The following KHDC1L variants were observed in gnomAD, a reference collection of about 807,000 sequenced individuals.
The protein encoded by KHDC1L is KHDC1-like protein.
Under a neutral mutation model 11.2 loss-of-function variants are expected in KHDC1L, and 5 were observed. The observed-to-expected ratio is 0.45, with a 90% confidence interval of 0.23 to 0.94. The LOEUF (loss-of-function observed/expected upper bound fraction) is 0.94, where lower values mean the gene tolerates loss of function less well. Ranked by LOEUF, KHDC1L falls within the 40% of genes least tolerant of loss-of-function variation. The pLI is 0.22. For missense variants in KHDC1L, 168 were observed against 165.8 expected (o/e 1.01, Z -0.07); for synonymous variants, 66 against 62.7 (o/e 1.05, Z -0.25).
At position 73,224,365 on chromosome 6, in the gene KHDC1L, T is replaced by C. The variant is rs1363797005; in HGVS notation, c.113-17A>G. 6.5e-7 allele frequency: 1 copy of C among 1,534,044 alleles called. No individual in the cohort carries two copies. The highest frequency in any genetic ancestry group is 8.8e-7 in the Non-Finnish European group (1 of 1,136,198). Reference sequence around the variant, plus strand: ...CATCAAGTCCTGTAAGCACAAGAAGTGAGAAGAGAAACTGTCAGCCACCAG... The same window carrying C: ...CATCAAGTCCTGTAAGCACAAGAAGCGAGAAGAGAAACTGTCAGCCACCAG... On this transcript the variant is annotated splice_polypyrimidine_tract_variant and intron_variant, in intron 1 of 2. Transcript: ENST00000370388.
intron 1 of KHDC1L, among the ~76,000 whole-genome samples, chr6:73,224,700 C>T (rs1470267711): frequency 7.2e-6 from 1 of 139,640 alleles, no homozygotes; most frequent in Admixed American, 7.7e-5. Context: ...GGCGTGAACC[C>T]GGGAGGCGGA....
chr6:73,224,388 C>T (rs1410988928), intron 1 of KHDC1L, 40 bp from the exon 2 acceptor site: 25 of 1,504,098 alleles, frequency 1.7e-5, no homozygotes, highest in Non-Finnish European at 2.1e-5. Flanking sequence ...TGTCAGCCAC[C>T]AGTCCTTGGG....
In KHDC1L at chr6:73,224,162, C is replaced by G; in HGVS notation, c.295+4G>C. The G allele has an allele frequency of 6.4e-7, 1 of 1,551,960 alleles. No homozygotes were observed. The highest frequency in any genetic ancestry group is 8.7e-7 in the Non-Finnish European group (1 of 1,147,798). On this transcript the variant is annotated splice_donor_region_variant and intron_variant, in intron 2 of 2. Transcript: ENST00000370388. ...ACCTCCACAGTTCGGCCAAGGATACCTACCTCGAGCGTGACACTTGGAGTC... is the reference window on the plus strand; with the variant it reads ...ACCTCCACAGTTCGGCCAAGGATACGTACCTCGAGCGTGACACTTGGAGTC...
Position 73,225,365 on chromosome 6 carries a change from GTCCACCACGGC to G in KHDC1L, c.33_43del (p.Glu11AspfsTer26). 5.6e-6 allele frequency: 9 copies of G among 1,614,132 alleles called. No individual in the cohort carries two copies. The highest frequency in any genetic ancestry group is 7.6e-6 in the Non-Finnish European group (9 of 1,179,996). ...TGGAGAATGAAAGTTTTCGGGCAGG[GTCCACCACGGC>G]TCCTTGCTGAGAGCACTCGTTCCCA... On this transcript the variant is annotated frameshift_variant, in exon 1 of 3. Transcript: ENST00000370388. LOFTEE classifies it high-confidence loss of function.
chr6:73,223,930 G>A (rs1259226573), intron 2 of KHDC1L, 91 bp from the exon 3 acceptor site: 1 of 1,153,986 alleles, frequency 8.7e-7, no homozygotes, highest in Non-Finnish European at 1.3e-6. Context: ...TTCCAGAGAG[G>A]ATGTCACCCC....
At position 73,225,403 on chromosome 6, in the gene KHDC1L, G is replaced by A. The variant is rs1300900832; in HGVS notation, c.6C>T (p.Ala2=). Residue 2 remains alanine, a synonymous_variant, in exon 1 of 3, where the codon GCC becomes GCT. Transcript: ENST00000370388. ...CCTTGCTGAGAGCACTCGTTCCCAC[G>A]GCCATGCTGTGCTCCCACCTGATTC... The part of the protein sequence containing the change: M[A]VGTSALSKEP... The A allele has an allele frequency of 2.5e-6, 4 of 1,612,258 alleles. No homozygotes were observed. Among genetic ancestry groups the A allele is most frequent in the Non-Finnish European group, 2.5e-6 (3 of 1,178,524 alleles).
chr6:73,225,496 T>TAATTTTATGAAACATTGGA, upstream of KHDC1L: 1 of 944,292 alleles, frequency 1.1e-6, no homozygotes, highest in Admixed American at 2.1e-5. Flanking sequence ...GCCTAGGCTC[T>TAATTTTATGAAACATTGGA]GTCCTTAAAA....
intron 1 of KHDC1L, among the ~76,000 whole-genome samples, chr6:73,224,867 G>C (rs374842190): frequency 6.7e-6 from 1 of 149,742 alleles, no homozygotes; most frequent in African/African-American, 2.5e-5. Context: ...AGATCAGGAG[G>C]TGAGGAAATC....
Position 73,225,306 on chromosome 6 carries a change from G to C in KHDC1L, c.103C>G (p.Leu35Val). 1.2e-6 allele frequency: 2 copies of C among 1,613,624 alleles called. No homozygotes were observed. The highest frequency in any genetic ancestry group is 1.7e-6 in the Non-Finnish European group (2 of 1,179,698). ...VFHMEEDQEE[L>V]IFGLDDTYLR... ...GGCAAAGGCCACTCACCGAAGATGA[G>C]CTCCTCCTGGTCCTCTTCCATGTGG... Residue 35 changes from leucine (L) to valine (V), a missense_variant, in exon 1 of 3, where the codon CTC becomes GTC. Physicochemically the swap from Leu to Val is conservative, Grantham distance 32. Transcript: ENST00000370388.
At chr6:73,225,089 CAAAAAA>C (rs774109371) in intron 1 of KHDC1L, among the ~76,000 whole-genome samples, 2 of 95,870 alleles carry the variant, frequency 2.1e-5, no homozygotes, top group African/African-American at 7.5e-5. Context: ...TCTCGAGTCT[CAAAAAA>C]AAAAAAAAAA....
chr6:73,225,293 T>C lies in KHDC1L; in HGVS notation c.112+4A>G, dbSNP rs1766344940. 1.9e-6 allele frequency: 3 copies of C among 1,612,826 alleles called. No homozygotes were observed. Among genetic ancestry groups the C allele is most frequent in the Non-Finnish European group, 2.5e-6 (3 of 1,179,332 alleles). On this transcript the variant is annotated splice_donor_region_variant and intron_variant, in intron 1 of 2. Coordinates refer to ENST00000370388, the MANE Select transcript of KHDC1L (RefSeq NM_001126063.3). ...AGGAGGGGACGTGGGCAAAGGCCACTCACCGAAGATGAGCTCCTCCTGGTC... is the reference window on the plus strand; with the variant it reads ...AGGAGGGGACGTGGGCAAAGGCCACCCACCGAAGATGAGCTCCTCCTGGTC...
rs768162744 is a variant in KHDC1L at position 73,224,277 on chromosome 6, T to C, written c.184A>G (p.Thr62Ala). Reference sequence around the variant, plus strand: ...GTCACACGTGTCTGGCCTGTAGCTGTGAAACACCTCTCCAGCTGAATAAGG... The same window carrying C: ...GTCACACGTGTCTGGCCTGTAGCTGCGAAACACCTCTCCAGCTGAATAAGG... ...HTLIQLERCF[T>A]ATGQTRVTVV... is the part of the protein sequence containing the mutation. The change falls in exon 2 of 3, where the codon ACA (threonine) becomes GCA (alanine). Residue 62 changes from threonine (T) to alanine (A), a missense_variant. By Grantham distance (58) the Thr-to-Ala change is moderately conservative (BLOSUM62 0). Transcript: ENST00000370388. 6.3e-7 allele frequency: 1 copy of C among 1,597,664 alleles called. No homozygotes were observed. Among genetic ancestry groups the C allele is most frequent in the South Asian group, 1.1e-5 (1 of 87,778 alleles).
intron 1 of KHDC1L, among the ~76,000 whole-genome samples, chr6:73,224,771 CAAAAAAAAAA>C (rs3044250): frequency 9.7e-5 from 4 of 41,094 alleles, no homozygotes; most frequent in East Asian, 6.2e-4. Flanking sequence ...GATTCCATAT[CAAAAAAAAAA>C]AAAAAAAAAA....
rs1327464276 is a variant in KHDC1L at position 73,225,327 on chromosome 6, T to C, written c.82A>G (p.Met28Val). ...ENFHSPMVFH[M>V]EEDQEELIFG... The stretch of plus-strand genomic sequence containing the variant: ...ATGAGCTCCTCCTGGTCCTCTTCCA[T>C]GTGGAACACCATTGGAGAATGAAAG... Residue 28 changes from methionine to valine, a missense_variant, in exon 1 of 3, where the codon ATG becomes GTG. Coordinates refer to ENST00000370388, the MANE Select transcript of KHDC1L (RefSeq NM_001126063.3). 1 of 1,614,026 alleles carries C rather than the reference T, an allele frequency of 6.2e-7. No homozygotes were observed.
intron 1 of KHDC1L, 68 bp downstream of exon 1, chr6:73,225,229 A>G: frequency 1.4e-6 from 2 of 1,417,812 alleles, no homozygotes; most frequent in Non-Finnish European, 1.9e-6. Context: ...ATCACGAGCG[A>G]GAATCTGTCT....
chr6:73,223,933 G>A, intron 2 of KHDC1L, 94 bp from the exon 3 acceptor site: 1 of 1,138,166 alleles, frequency 8.8e-7, no homozygotes. Context: ...CAGAGAGGAT[G>A]TCACCCCAGC....
At chr6:73,224,626 A>C (rs1296908373) in intron 1 of KHDC1L, among the ~76,000 whole-genome samples, 2 of 151,900 alleles carry the variant, frequency 1.3e-5, no homozygotes, top group Non-Finnish European at 2.9e-5. Context: ...AATACAAAAA[A>C]TTAGCCGGGC....
Position 73,224,352 on chromosome 6 carries a change from T to C in KHDC1L, c.113-4A>G, listed in dbSNP as rs375472212. ...CGAAGGTACGTGTCATCAAGTCCTG[T>C]AAGCACAAGAAGTGAGAAGAGAAAC... On this transcript the variant is annotated splice_region_variant and splice_polypyrimidine_tract_variant and intron_variant, in intron 1 of 2. Coordinates refer to ENST00000370388, the MANE Select transcript of KHDC1L (RefSeq NM_001126063.3). The C allele has an allele frequency of 6.5e-5, 102 of 1,558,966 alleles. No individual in the cohort carries two copies. The African/African-American group carries it at 1.1e-3, about 16-fold the overall frequency.
At chr6:73,225,148 T>A in intron 1 of KHDC1L, 149 bp downstream of exon 1, 2 of 506,820 alleles carry the variant, frequency 3.9e-6, no homozygotes, top group Non-Finnish European at 3.3e-6. Flanking sequence ...GCGCCTGTAA[T>A]CCCAGGTACT....
Sources: gnomAD v4.1 joint callset for allele counts (sites outside exome capture counted in the v4.1 genomes callset) on GRCh38, gnomAD v4.1.1 for gene constraint, MANE v1.5 for transcripts, NCBI Gene and HGNC (gene_info 2026-07-23, HGNC 2026-07-21) for gene names.